WWOX: variants seen among roughly 807,000 people sequenced by gnomAD.
WWOX encodes the protein WW domain containing oxidoreductase, also known as WW domain-containing oxidoreductase.
In WWOX, 69 loss-of-function variants were observed where a neutral mutation model predicts 46.2. The observed-to-expected ratio is 1.49, with a 90% CI of 1.23 to 1.82. WWOX has a LOEUF of 1.82. WWOX is among the 40% of genes most tolerant of loss of function. WWOX has a pLI of 0.00. For synonymous variants in WWOX, 359 were observed against 202.6 expected (o/e 1.77, Z -6.56); for missense variants, 919 against 542.6 (o/e 1.69, Z -6.89).
At chr16:78,303,193 A>G (rs2080072742) in intron 5 of WWOX, among the ~76,000 whole-genome samples, 1 of 152,188 alleles carries the variant, frequency 6.6e-6, no homozygotes, top group African/African-American at 2.4e-5. Context: ...CCTACTTTAA[A>G]TAAAATCTAT....
intron 5 of WWOX, among the ~76,000 whole-genome samples, chr16:78,189,534 C>T (rs975432883): frequency 5.3e-5 from 8 of 152,290 alleles, no homozygotes; most frequent in Non-Finnish European, 1.2e-4. Context: ...GGGCATATAC[C>T]ATTGGGACAA....
At position 79,178,836 on chromosome 16, in the gene WWOX, A is replaced by AT. The variant is rs550074986; in HGVS notation, c.1057-32764dup. On this transcript the variant is annotated intron_variant, in intron 8 of 8. Coordinates refer to ENST00000566780, the MANE Select transcript of WWOX (RefSeq NM_016373.4). Reference sequence around the variant, plus strand: ...TGCTTTCTTTTGAATAATAGAAACAATTTTTTTTGTTTAATATATCTTGAA... The same window carrying AT: ...TGCTTTCTTTTGAATAATAGAAACAATTTTTTTTTGTTTAATATATCTTGAA... Among the ~76,000 whole-genome samples the AT allele has an allele frequency of 1.1e-3, 161 of 152,080 alleles. 1 individual carries two copies. Among genetic ancestry groups the AT allele is most frequent in the African/African-American group, 3.5e-3 (144 of 41,458 alleles).
intron 8 of WWOX, among the ~76,000 whole-genome samples, chr16:78,574,951 A>T (rs2044812698): frequency 7.5e-6 from 1 of 132,504 alleles, no homozygotes; most frequent in Admixed American, 8.5e-5. Flanking sequence ...TATAGTAATC[A>T]AATCATTACT....
intron 8 of WWOX, among the ~76,000 whole-genome samples, chr16:78,773,164 C>T (rs146593553): frequency 6.6e-6 from 1 of 152,138 alleles, no homozygotes; most frequent in Non-Finnish European, 1.5e-5. Context: ...TTGTCGGTAT[C>T]CTAAGCCGCT....
intron 6 of WWOX, among the ~76,000 whole-genome samples, chr16:78,393,120 A>C (rs915128045): frequency 3.9e-5 from 6 of 152,130 alleles, no homozygotes; most frequent in Non-Finnish European, 7.3e-5. Flanking sequence ...CAGACTTCCT[A>C]CTGCCTGGCA....
At chr16:78,773,865 C>T (rs868734203) in intron 8 of WWOX, among the ~76,000 whole-genome samples, 1 of 152,194 alleles carries the variant, frequency 6.6e-6, no homozygotes, top group Non-Finnish European at 1.5e-5. Flanking sequence ...TATTTAACTT[C>T]TGTTGGCATC....
intron 8 of WWOX, among the ~76,000 whole-genome samples, chr16:78,692,841 C>G (rs2048021022): frequency 6.6e-6 from 1 of 152,132 alleles, no homozygotes; most frequent in Non-Finnish European, 1.5e-5. Flanking sequence ...CTTAAAGAGA[C>G]AACTGTTTTT....
intron 8 of WWOX, among the ~76,000 whole-genome samples, chr16:79,036,364 A>G (rs1480687839): frequency 6.6e-6 from 1 of 152,164 alleles, no homozygotes; most frequent in South Asian, 2.1e-4. Flanking sequence ...AGTACCCTTT[A>G]TGTTCAACTT....
At position 78,347,739 on chromosome 16, in the gene WWOX, A is replaced by G. The variant is rs1213452921; in HGVS notation, c.517-39121A>G. On this transcript the variant is annotated intron_variant, in intron 5 of 8. Transcript: ENST00000566780. ...ATTCATATCACTCACTATTCATGAG[A>G]CTGCTAAATAGTTGCCCTGGCAATT... Among the ~76,000 whole-genome samples, 3 of 122,644 alleles carry G rather than the reference A, an allele frequency of 2.4e-5. 1 individual carries two copies. Among genetic ancestry groups the G allele is most frequent in the Non-Finnish European group, 5.9e-5 (3 of 51,096 alleles). 80.5% of individuals were successfully genotyped at this position (122,644 alleles called of 152,430 possible).
At chr16:78,975,820 A>C (rs1163451832) in intron 8 of WWOX, among the ~76,000 whole-genome samples, 1 of 152,098 alleles carries the variant, frequency 6.6e-6, no homozygotes, top group African/African-American at 2.4e-5. Context: ...GGTGGGAGGA[A>C]ACAGGCAAGA....
chr16:78,188,272 G>C (rs1038498135), intron 5 of WWOX, among the ~76,000 whole-genome samples: 1 of 151,996 alleles, frequency 6.6e-6, no homozygotes, highest in African/African-American at 2.4e-5. Context: ...GGCAGATCAC[G>C]AGGTCAGGAG....
At chr16:79,160,713 G>A (rs1263316207) in intron 8 of WWOX, among the ~76,000 whole-genome samples, 3 of 152,064 alleles carry the variant, frequency 2.0e-5, no homozygotes, top group South Asian at 2.1e-4. Context: ...GAATTCCATC[G>A]ATTTAGTGAT....
chr16:78,519,326 T>C lies in WWOX; in HGVS notation c.1056+86574T>C, dbSNP rs576653619. Among the ~76,000 whole-genome samples, 362 of 152,260 alleles carry C rather than the reference T, an allele frequency of 2.4e-3. 2 individuals are homozygous for C. Among genetic ancestry groups the C allele is most frequent in the African/African-American group, 8.4e-3 (349 of 41,556 alleles). On this transcript the variant is annotated intron_variant, in intron 8 of 8. Coordinates refer to ENST00000566780, the MANE Select transcript of WWOX (RefSeq NM_016373.4). ...TTCCTGAAGGCAGTAAGCATGTTGC[T>C]CTGGTAATAGTCATCTTCACGGCCA...
intron 8 of WWOX, among the ~76,000 whole-genome samples, chr16:79,163,448 C>T (rs938484478): frequency 3.3e-5 from 5 of 152,096 alleles, no homozygotes; most frequent in African/African-American, 1.2e-4. Context: ...GATAAGCATA[C>T]AGAAAACTTT....
chr16:78,403,869 G>T (rs1157754730), intron 6 of WWOX, among the ~76,000 whole-genome samples: 3 of 152,198 alleles, frequency 2.0e-5, no homozygotes, highest in Admixed American at 2.0e-4. Context: ...TTTGAAGGCT[G>T]CATGGACCTT....
At chr16:78,454,474 G>C (rs2083768607) in intron 8 of WWOX, among the ~76,000 whole-genome samples, 1 of 151,488 alleles carries the variant, frequency 6.6e-6, no homozygotes, top group Non-Finnish European at 1.5e-5. Flanking sequence ...TTTCCCCTAG[G>C]TTGTGTTTTT....
At chr16:78,433,189 T>C (rs1341146655) in intron 8 of WWOX, among the ~76,000 whole-genome samples, 1 of 152,186 alleles carries the variant, frequency 6.6e-6, no homozygotes, top group Admixed American at 6.5e-5. Context: ...ACAGAAAAAC[T>C]GTATCTTTTG....
intron 8 of WWOX, among the ~76,000 whole-genome samples, chr16:78,447,559 G>C (rs777306447): frequency 6.6e-6 from 1 of 152,150 alleles, no homozygotes; most frequent in Non-Finnish European, 1.5e-5. Context: ...GTAAATATCC[G>C]CATACATGCA....
At chr16:78,911,788 C>G (rs549175622) in intron 8 of WWOX, among the ~76,000 whole-genome samples, 1 of 152,044 alleles carries the variant, frequency 6.6e-6, no homozygotes, top group Non-Finnish European at 1.5e-5. Flanking sequence ...ATCACTTGAA[C>G]CCGGGAAGCG....
Sources: allele counts gnomAD v4.1 joint callset (sites outside exome capture counted in the v4.1 genomes callset), GRCh38; gene constraint gnomAD v4.1.1; transcripts MANE v1.5; gene names NCBI Gene and HGNC (gene_info 2026-07-23, HGNC 2026-07-21).